CC2D2A: variants seen among roughly 807,000 people sequenced by gnomAD.
CC2D2A encodes coiled-coil and C2 domain-containing protein 2A.
Under a neutral mutation model 212.9 loss-of-function variants are expected in CC2D2A, and 155 were observed. That is an observed-to-expected ratio of 0.73 (90% CI 0.64 to 0.83). CC2D2A has a LOEUF of 0.83. Ranked by LOEUF, CC2D2A falls within the 40% of genes least tolerant of loss-of-function variation. The pLI is 0.00. For missense variants in CC2D2A, 1,856 were observed against 1,956.2 expected (o/e 0.95, Z 0.97); for synonymous variants, 667 against 686.5 (o/e 0.97, Z 0.44).
chr4:15,556,291 G>A (rs968586938), intron 20 of CC2D2A, among the ~76,000 whole-genome samples: 3 of 152,096 alleles, frequency 2.0e-5, no homozygotes, highest in East Asian at 1.9e-4. Flanking sequence ...AATTGTAGCC[G>A]GCATGAACAT....
At chr4:15,530,035 G>A (rs1193891450) in intron 13 of CC2D2A, among the ~76,000 whole-genome samples, 3 of 151,118 alleles carry the variant, frequency 2.0e-5, no homozygotes, top group East Asian at 1.9e-4. Context: ...GCAGTGGTGC[G>A]ATTTCGGCTC....
chr4:15,477,364 T>G (rs1468157899), intron 2 of CC2D2A, among the ~76,000 whole-genome samples: 1 of 152,142 alleles, frequency 6.6e-6, no homozygotes, highest in East Asian at 1.9e-4. Flanking sequence ...AATTTATATT[T>G]GCTTATTCAT....
At chr4:15,527,184 G>A (rs1717552852) in intron 11 of CC2D2A, among the ~76,000 whole-genome samples, 1 of 152,072 alleles carries the variant, frequency 6.6e-6, no homozygotes, top group South Asian at 2.1e-4. Context: ...CTACAACTTA[G>A]GCAAGTAATG....
rs201537288 is a variant in CC2D2A at position 15,518,338 on chromosome 4, G to GC, written c.1149+1583dup. Among the ~76,000 whole-genome samples the GC allele has an allele frequency of 4.9e-3, 743 of 152,362 alleles. 9 individuals carry two copies. The highest frequency in any genetic ancestry group is 0.017 in the African/African-American group (703 of 41,586). ...TGTCTCGCATTCCGGTCATGCTGAT[G>GC]CAAGAGTTAGGTTCCCATGGTCTTG... is the stretch of plus-strand genomic sequence containing the variant. On this transcript the variant is annotated intron_variant, in intron 11 of 36. Coordinates refer to ENST00000424120, the MANE Select transcript of CC2D2A (RefSeq NM_001378615.1).
chr4:15,549,900 T>A (rs1259310773), intron 17 of CC2D2A, among the ~76,000 whole-genome samples: 2 of 152,146 alleles, frequency 1.3e-5, no homozygotes. Context: ...GTGGAAAATA[T>A]TAACTAGTGG....
intron 11 of CC2D2A, among the ~76,000 whole-genome samples, chr4:15,518,865 G>T (rs1717036844): frequency 6.6e-6 from 1 of 152,198 alleles, no homozygotes; most frequent in Admixed American, 6.5e-5. Flanking sequence ...GGGACCCTAG[G>T]CCTGGCCTAA....
intron 14 of CC2D2A, 132 bp from the exon 15 acceptor site, chr4:15,536,788 T>C (rs1379461431): frequency 1.3e-6 from 1 of 760,834 alleles, no homozygotes; most frequent in Non-Finnish European, 2.1e-6. Context: ...CTCACAGGAT[T>C]GTGAGTTTAC....
chr4:15,595,653 A>G (rs1721287834), intron 33 of CC2D2A, among the ~76,000 whole-genome samples: 2 of 152,244 alleles, frequency 1.3e-5, no homozygotes, highest in Non-Finnish European at 2.9e-5. Context: ...CAGAACCAAC[A>G]TGCTACGCTG....
At chr4:15,545,280 A>C (rs1332783868) in intron 17 of CC2D2A, among the ~76,000 whole-genome samples, 2 of 152,228 alleles carry the variant, frequency 1.3e-5, no homozygotes, top group Non-Finnish European at 2.9e-5. Context: ...AGCATAGTAT[A>C]TTTCAGAAAA....
Position 15,601,437 on chromosome 4 carries a change from G to A in CC2D2A, c.*12G>A. 1 of 1,436,926 alleles carries A rather than the reference G, an allele frequency of 7.0e-7. No homozygotes were observed. Among genetic ancestry groups the A allele is most frequent in the Non-Finnish European group, 9.2e-7 (1 of 1,085,096 alleles). 89.0% of individuals were successfully genotyped at this position (1,436,926 alleles called of 1,614,324 possible). ...TACGCAACAGGTAATTTTTTTCACT[G>A]TACTTTCTGTATCATGTAAAAACTA... On this transcript the variant is annotated 3_prime_UTR_variant, in exon 37 of 37. Transcript: ENST00000424120.
intron 13 of CC2D2A, among the ~76,000 whole-genome samples, 165 bp from the exon 14 acceptor site, chr4:15,533,028 T>G (rs1249603329): frequency 6.6e-6 from 1 of 152,154 alleles, no homozygotes; most frequent in Admixed American, 6.5e-5. Context: ...CAAGACAGGT[T>G]GACATCCTAT....
intron 4 of CC2D2A, among the ~76,000 whole-genome samples, chr4:15,502,040 G>A (rs565753758): frequency 6.6e-6 from 1 of 152,108 alleles, no homozygotes; most frequent in Non-Finnish European, 1.5e-5. Flanking sequence ...CCATTCACCC[G>A]ACAAGCCTGT....
At chr4:15,543,320 T>A (rs1718554084) in intron 17 of CC2D2A, among the ~76,000 whole-genome samples, 1 of 152,200 alleles carries the variant, frequency 6.6e-6, no homozygotes, top group African/African-American at 2.4e-5. Context: ...GTCTGTGTAT[T>A]CTGAAACTTG....
At chr4:15,540,705 T>C (rs1718381562) in intron 16 of CC2D2A, 132 bp from the exon 17 acceptor site, 4 of 784,508 alleles carry the variant, frequency 5.1e-6, no homozygotes, top group Non-Finnish European at 8.0e-6. Context: ...CTCCTCTGGT[T>C]AAATGAGGGC....
intron 8 of CC2D2A, among the ~76,000 whole-genome samples, chr4:15,513,728 G>A (rs1038991483): frequency 2.6e-5 from 4 of 152,240 alleles, no homozygotes; most frequent in Non-Finnish European, 4.4e-5. Flanking sequence ...CGAAGCAGAG[G>A]TGGGGCAGGA....
At chr4:15,532,879 T>C (rs1717920758) in intron 13 of CC2D2A, among the ~76,000 whole-genome samples, 1 of 152,248 alleles carries the variant, frequency 6.6e-6, no homozygotes, top group South Asian at 2.1e-4. Context: ...GTGTTTATAA[T>C]AATTTAGTCC....
At chr4:15,524,659 G>A (rs1160072283) in intron 11 of CC2D2A, among the ~76,000 whole-genome samples, 6 of 151,332 alleles carry the variant, frequency 4.0e-5, no homozygotes, top group South Asian at 4.2e-4. Flanking sequence ...CACCGTGTTA[G>A]CCAGGATGGT....
In CC2D2A at chr4:15,533,236, A is replaced by G; in HGVS notation, c.1510A>G (p.Thr504Ala). 2 of 1,598,036 alleles carry G rather than the reference A, an allele frequency of 1.3e-6. No homozygotes were observed. Among genetic ancestry groups the G allele is most frequent in the Non-Finnish European group, 1.7e-6 (2 of 1,175,478 alleles). The change falls in exon 14 of 37, where the codon ACA becomes GCA. Residue 504 changes from threonine to alanine, a missense_variant. Around this residue, in one of 5 missense-constraint regions of CC2D2A, gnomAD observed 1,512 missense variants for 1,579.3 expected, o/e 0.96. Coordinates refer to ENST00000424120, the MANE Select transcript of CC2D2A (RefSeq NM_001378615.1). ...FRDAEQEKDRTLLKTIIKVWK... is the reference protein window; with the variant it reads ...FRDAEQEKDRALLKTIIKVWK... Reference sequence around the variant, plus strand: ...TGATGCTGAACAAGAAAAAGATAGAACATTGCTTAAGACTATCATAAAAGT... The same window carrying G: ...TGATGCTGAACAAGAAAAAGATAGAGCATTGCTTAAGACTATCATAAAAGT...
intron 23 of CC2D2A, among the ~76,000 whole-genome samples, chr4:15,562,113 G>A (rs1006454881): frequency 1.3e-5 from 2 of 152,202 alleles, no homozygotes; most frequent in African/African-American, 2.4e-5. Flanking sequence ...AACAGCTCCT[G>A]GAATCCTGGA....
Sources: allele counts gnomAD v4.1 joint callset (sites outside exome capture counted in the v4.1 genomes callset), GRCh38; gene constraint gnomAD v4.1.1; regional missense constraint gnomAD v4.1.1; transcripts MANE v1.5; gene names NCBI Gene and HGNC (gene_info 2026-07-23, HGNC 2026-07-21).